The following ANKRD17 variants were observed in gnomAD, a reference collection of about 807,000 sequenced individuals.
ANKRD17 encodes ankyrin repeat domain 17.
Under a neutral mutation model 229.7 loss-of-function variants are expected in ANKRD17, and 19 were observed. That is an observed-to-expected ratio of 0.08 (90% confidence interval 0.06 to 0.12). The LOEUF is 0.12. Among genes scored for constraint, ANKRD17 ranks in the 10% least tolerant of loss-of-function variants. The pLI, the probability that ANKRD17 is intolerant of heterozygous loss-of-function variation, is 1.00. For missense variants in ANKRD17, 2,176 were observed against 3,176.8 expected, an observed-to-expected ratio of 0.68 and a Z score of 7.57; for synonymous variants, 1,112 against 1,146.1, an observed-to-expected ratio of 0.97 and a Z score of 0.60.
chr4:73,207,261 T>C (rs543797069), intron 1 of ANKRD17, among the ~76,000 whole-genome samples: 63 of 152,188 alleles, frequency 4.1e-4, no homozygotes, highest in African/African-American at 1.5e-3. Flanking sequence ...AAAATATATA[T>C]AATATTTGTC....
intron 1 of ANKRD17, among the ~76,000 whole-genome samples, chr4:73,237,377 T>C (rs1338884242): frequency 6.6e-6 from 1 of 152,228 alleles, no homozygotes; most frequent in African/African-American, 2.4e-5. Flanking sequence ...AAGAACTCCC[T>C]CATATGAAAA....
rs554708860 is a variant in ANKRD17, at chr4:73,076,097, G to A, written c.*134C>T. The A allele has an allele frequency of 1.7e-6, 1 of 573,822 alleles. No homozygotes were observed. Among genetic ancestry groups the A allele is most frequent in the East Asian group, 3.4e-5 (1 of 29,382 alleles). The allele number at this position is 573,822 out of a possible 1,614,324, so 35.5% of individuals were successfully genotyped here. A position where few individuals can be genotyped will look rare whatever the true frequency, so the allele number is the denominator to read the frequency against. On this transcript the variant is annotated 3_prime_UTR_variant, in exon 34 of 34. Transcript: ENST00000358602. ...TCACAGAAAATAGGTCAGTTAGTAA[G>A]ATCTTCTGCAAAAAGCCTACACACT...
chr4:73,112,669 A>G (rs925236245), intron 24 of ANKRD17: 7 of 699,646 alleles, frequency 1.0e-5, no homozygotes, highest in Non-Finnish European at 8.8e-6. Flanking sequence ...GAAAGCAAGT[A>G]TAGTAAAAAA....
At chr4:73,164,945 A>G (rs980193225) in intron 2 of ANKRD17, among the ~76,000 whole-genome samples, 1 of 150,754 alleles carries the variant, frequency 6.6e-6, no homozygotes, top group Admixed American at 6.6e-5. Context: ...TAATATTACT[A>G]ACACTATTAA....
chr4:73,224,098 A>G (rs1473713556), intron 1 of ANKRD17, among the ~76,000 whole-genome samples: 1 of 152,200 alleles, frequency 6.6e-6, no homozygotes, highest in Non-Finnish European at 1.5e-5. Context: ...TCTACTAAAA[A>G]TACAAAAATT....
chr4:73,250,172 A>T (rs922194170), intron 1 of ANKRD17, among the ~76,000 whole-genome samples: 1 of 152,172 alleles, frequency 6.6e-6, no homozygotes, highest in African/African-American at 2.4e-5. Context: ...TTTACTCAAA[A>T]CACATTTTTT....
intron 30 of ANKRD17, among the ~76,000 whole-genome samples, chr4:73,079,430 T>C (rs1237354663): frequency 6.6e-6 from 1 of 152,184 alleles, no homozygotes; most frequent in African/African-American, 2.4e-5. Flanking sequence ...TCTTGCTCCA[T>C]TGTCCAGGCT....
chr4:73,081,196 A>G (rs1027232176), intron 30 of ANKRD17, among the ~76,000 whole-genome samples: 1 of 152,220 alleles, frequency 6.6e-6, no homozygotes, highest in African/African-American at 2.4e-5. Context: ...ATTCCTCATC[A>G]AAGAATGGGG....
chr4:73,136,278 C>T (rs1728886012), intron 15 of ANKRD17, among the ~76,000 whole-genome samples: 1 of 152,060 alleles, frequency 6.6e-6, no homozygotes, highest in Non-Finnish European at 1.5e-5. Flanking sequence ...ATGTGTATTA[C>T]CAAAGTAGTT....
Position 73,092,079 on chromosome 4 carries a change from G to A in ANKRD17, c.5549C>T (p.Thr1850Ile). The A allele has an allele frequency of 6.2e-7, 1 of 1,614,228 alleles. No homozygotes were observed. The highest frequency in any genetic ancestry group is 8.5e-7 in the Non-Finnish European group (1 of 1,180,032). Reference sequence around the variant, plus strand: ...AGAAATTGCAGGCACAGTGAGTGCTGTGGCAGTTTGAGATGTTGATGACAG... The same window carrying A: ...AGAAATTGCAGGCACAGTGAGTGCTATGGCAGTTTGAGATGTTGATGACAG... ...VALSSTSQTA[T>I]ALTVPAISSA... is the part of the protein sequence containing the mutation. The change falls in exon 29 of 34, where the codon ACA (threonine) becomes ATA (isoleucine). Residue 1850 changes from threonine (T) to isoleucine (I), a missense_variant. Transcript: ENST00000358602.
At chr4:73,135,345 A>G in intron 15 of ANKRD17, 80 bp from the exon 16 acceptor site, 1 of 1,378,944 alleles carries the variant, frequency 7.3e-7, no homozygotes, top group Non-Finnish European at 9.9e-7. Flanking sequence ...AAAAATATTT[A>G]AAGACTTCTT....
chr4:73,160,491 T>G (rs1056398208), intron 3 of ANKRD17, among the ~76,000 whole-genome samples: 40 of 152,142 alleles, frequency 2.6e-4, no homozygotes, highest in African/African-American at 8.2e-4. Context: ...GTGCTGAGAT[T>G]ACAGGCGTGA....
intron 1 of ANKRD17, among the ~76,000 whole-genome samples, chr4:73,186,332 GAAAAT>G (rs1343054709): frequency 6.6e-6 from 1 of 151,854 alleles, no homozygotes; most frequent in Non-Finnish European, 1.5e-5. Context: ...AAAGTTGAAA[GAAAAT>G]AAAAACCCAC....
chr4:73,220,348 G>C (rs1461468767), intron 1 of ANKRD17, among the ~76,000 whole-genome samples: 3 of 152,108 alleles, frequency 2.0e-5, no homozygotes, highest in African/African-American at 7.2e-5. Context: ...CTTTGGTTTG[G>C]AGAAGAAAAT....
chr4:73,079,470 G>C (rs552514254), intron 30 of ANKRD17, among the ~76,000 whole-genome samples: 2 of 152,098 alleles, frequency 1.3e-5, no homozygotes, highest in East Asian at 3.9e-4. Context: ...ATAACTCACT[G>C]CAGCCTCAAA....
intron 1 of ANKRD17, among the ~76,000 whole-genome samples, chr4:73,216,722 A>C (rs1166511420): frequency 1.3e-5 from 2 of 152,196 alleles, no homozygotes; most frequent in African/African-American, 4.8e-5. Flanking sequence ...TACTCAATAA[A>C]GGGTAGCTAA....
In ANKRD17 at chr4:73,190,985, C is replaced by T. The variant is rs190843042; in HGVS notation, c.394-13452G>A. ...TCAATAGTGTAAAGATGTCAATTTT[C>T]CCCAAATTAATCTGTAAATTCAATG... On this transcript the variant is annotated intron_variant, in intron 1 of 33. Coordinates refer to ENST00000358602, the MANE Select transcript of ANKRD17 (RefSeq NM_032217.5). Among the ~76,000 whole-genome samples the T allele has an allele frequency of 1.9e-3, 287 of 152,120 alleles. 1 individual carries two copies. Among genetic ancestry groups the T allele is most frequent in the African/African-American group, 6.6e-3 (275 of 41,516 alleles).
chr4:73,158,152 A>AAGAAAGAAAGAAAGAAAGAAAGAAAG (rs1553925348), intron 3 of ANKRD17, among the ~76,000 whole-genome samples: 1 of 128,706 alleles, frequency 7.8e-6, no homozygotes, highest in African/African-American at 2.9e-5. Context: ...GAAAGGAAGA[A>AAGAAAGAAAGAAAGAAAGAAAGAAAG]AAAGAAAGAA....
chr4:73,146,823 C>T lies in ANKRD17; in HGVS notation c.1810G>A (p.Ala604Thr), dbSNP rs2148844331. The change falls in exon 10 of 34, where the codon GCC becomes ACC. Residue 604 changes from alanine (A) to threonine (T), a missense_variant. Around this residue, in one of 18 missense-constraint regions of ANKRD17, gnomAD observed 275 missense variants for 386.9 expected, o/e 0.71. Coordinates refer to ENST00000358602, the MANE Select transcript of ANKRD17 (RefSeq NM_032217.5). ...TATGDTALTY[A>T]CENGHTDVAD... ...ACATCAGTATGACCATTTTCACAGG[C>T]ATATGTTAGTGCTGTATCCCCTGTT... The T allele has an allele frequency of 6.2e-7, 1 of 1,612,950 alleles. No homozygotes were observed. Among genetic ancestry groups the T allele is most frequent in the Non-Finnish European group, 8.5e-7 (1 of 1,179,292 alleles).
Sources: allele counts gnomAD v4.1 joint callset (sites outside exome capture counted in the v4.1 genomes callset), GRCh38; gene constraint gnomAD v4.1.1; regional missense constraint gnomAD v4.1.1; transcripts MANE v1.5; gene names NCBI Gene and HGNC (gene_info 2026-07-23, HGNC 2026-07-21).